The following CYP19A1 variants were observed in gnomAD, a reference collection of about 807,000 sequenced individuals.
CYP19A1 encodes cytochrome P450 family 19 subfamily A member 1.
A neutral mutation model predicts 44.4 loss-of-function variants in CYP19A1; 32 were observed. The observed-to-expected ratio is 0.72, with a 90% CI of 0.54 to 0.97. The LOEUF is 0.97. CYP19A1 is among the 50% of genes least tolerant of loss of function. The pLI, the probability that CYP19A1 is intolerant of heterozygous loss-of-function variation, is 0.00. For synonymous variants in CYP19A1, 212 were observed against 215.6 expected (o/e 0.98, Z 0.14); for missense variants, 598 against 637.8 (o/e 0.94, Z 0.67).
intron 1 of CYP19A1, among the ~76,000 whole-genome samples, chr15:51,297,271 G>A (rs560031353): frequency 9.9e-5 from 15 of 152,230 alleles, no homozygotes; most frequent in South Asian, 4.2e-4. Context: ...CAAACAGCCC[G>A]GCCAGCCCTC....
At chr15:51,336,073 G>T (rs2036770512) in intron 1 of CYP19A1, among the ~76,000 whole-genome samples, 1 of 152,070 alleles carries the variant, frequency 6.6e-6, no homozygotes, top group Non-Finnish European at 1.5e-5. Flanking sequence ...CTTTTCTCAG[G>T]GAAGCCTTCC....
In CYP19A1 at chr15:51,210,863, T is replaced by C. The variant is rs2030886688; in HGVS notation, c.1457A>G (p.Asn486Ser). ...TGGGGTAAAGATCATTTCCAGCATG[T>C]TTTTAGTCTCATCTGGGTGCAAGGA... ...DLSLHPDETK[N>S]MLEMIFTPRN... The change falls in exon 10 of 10, where the codon AAC becomes AGC. Residue 486 changes from asparagine to serine, a missense_variant. Asn to Ser is a conservative substitution (Grantham distance 46). Coordinates refer to ENST00000396402, the MANE Select transcript of CYP19A1 (RefSeq NM_000103.4). The C allele has an allele frequency of 6.3e-7, 1 of 1,593,094 alleles. No individual in the cohort carries two copies. The highest frequency in any genetic ancestry group is 8.6e-7 in the Non-Finnish European group (1 of 1,160,810).
chr15:51,271,080 A>C (rs2035109691), intron 1 of CYP19A1, among the ~76,000 whole-genome samples: 1 of 151,822 alleles, frequency 6.6e-6, no homozygotes, highest in South Asian at 2.1e-4. Context: ...TTTGCAGAGA[A>C]CGTCTCCTTG....
chr15:51,212,323 C>G lies in CYP19A1; in HGVS notation c.1260G>C (p.Lys420Asn). 1.3e-6 allele frequency: 2 copies of G among 1,598,184 alleles called. No homozygotes were observed. Among genetic ancestry groups the G allele is most frequent in the Non-Finnish European group, 1.7e-6 (2 of 1,165,470 alleles). ...AGTTTTAAGGAAGGGCTCTTACATT[C>G]TTTGCAAAATTTTCAAGAGTAAATT... is the stretch of plus-strand genomic sequence containing the variant. ...PNEFTLENFA[K>N]NVPYRYFQPF... The change falls in exon 9 of 10, where the codon AAG (lysine) becomes AAC (asparagine). Residue 420 changes from lysine to asparagine, a missense_variant. By Grantham distance (94) the Lys-to-Asn change is moderately conservative. Coordinates refer to ENST00000396402, the MANE Select transcript of CYP19A1 (RefSeq NM_000103.4).
At chr15:51,295,001 A>G (rs1366991382) in intron 1 of CYP19A1, among the ~76,000 whole-genome samples, 3 of 146,254 alleles carry the variant, frequency 2.1e-5, no homozygotes, top group African/African-American at 7.7e-5. Context: ...GCCTTGGGGA[A>G]AAAAAAAAAA....
chr15:51,325,728 C>T (rs1378525491), intron 1 of CYP19A1, among the ~76,000 whole-genome samples: 1 of 148,300 alleles, frequency 6.7e-6, no homozygotes, highest in Non-Finnish European at 1.5e-5. Flanking sequence ...ATCCCAGCTA[C>T]TTGGGAGACT....
At chr15:51,262,400 G>T (rs550466497) in intron 1 of CYP19A1, among the ~76,000 whole-genome samples, 1 of 151,956 alleles carries the variant, frequency 6.6e-6, no homozygotes, top group African/African-American at 2.4e-5. Flanking sequence ...TTCCTCTAGC[G>T]CACTGGGTTA....
In CYP19A1 at chr15:51,322,101, T is replaced by TG. The variant is rs2036538158; in HGVS notation, c.-39+16393dup. On this transcript the variant is annotated intron_variant, in intron 1 of 9. Coordinates refer to ENST00000396402, the MANE Select transcript of CYP19A1 (RefSeq NM_000103.4). ...GGTGTGGCCTTCCCGCCACGGGCCA[T>TG]GGGTCGGACCTGGCTCCACAGACAA... 3.9e-5 allele frequency: 6 copies of TG among 152,392 alleles called. No individual in the cohort carries two copies. In the South Asian group the frequency reaches 1.2e-3, roughly 32 times the overall value. The allele number at this position is 152,392 out of a possible 1,614,324, so 9.4% of individuals were successfully genotyped here. A position where few individuals can be genotyped will look rare whatever the true frequency, so the allele number is the denominator to read the frequency against.
intron 1 of CYP19A1, among the ~76,000 whole-genome samples, chr15:51,290,045 T>C (rs71472903): frequency 0.027 from 4,165 of 152,280 alleles, 75 homozygotes; most frequent in Non-Finnish European, 0.043. Flanking sequence ...ATCTTTTGAG[T>C]GTGGTCTCCC....
chr15:51,252,951 G>C (rs1215990949), intron 1 of CYP19A1, among the ~76,000 whole-genome samples: 1 of 152,116 alleles, frequency 6.6e-6, no homozygotes, highest in Non-Finnish European at 1.5e-5. Context: ...TTTATGAGTA[G>C]GTCTTGAAAG....
intron 6 of CYP19A1, 161 bp downstream of exon 6, chr15:51,218,380 A>AGG (rs1253615934): frequency 2.3e-5 from 26 of 1,139,082 alleles, no homozygotes; most frequent in Non-Finnish European, 3.1e-5. Flanking sequence ...ATGCAGCCAA[A>AGG]TTGCTGTAAA....
At chr15:51,273,732 G>T (rs917245179) in intron 1 of CYP19A1, among the ~76,000 whole-genome samples, 1 of 152,146 alleles carries the variant, frequency 6.6e-6, no homozygotes, top group Non-Finnish European at 1.5e-5. Flanking sequence ...ACAGCCGGCT[G>T]CAATGGCTCA....
intron 1 of CYP19A1, among the ~76,000 whole-genome samples, chr15:51,307,185 T>C (rs560430552): frequency 7.8e-4 from 118 of 152,202 alleles, no homozygotes; most frequent in Admixed American, 1.6e-3. Context: ...TTGGTTTTGT[T>C]TGGATTGGTG....
At chr15:51,330,019 A>G (rs1423317673) in intron 1 of CYP19A1, among the ~76,000 whole-genome samples, 2 of 152,174 alleles carry the variant, frequency 1.3e-5, no homozygotes, top group Non-Finnish European at 2.9e-5. Context: ...TAAAGAATAA[A>G]GTCAGCCAGT....
intron 1 of CYP19A1, among the ~76,000 whole-genome samples, chr15:51,249,544 A>T (rs537592748): frequency 5.3e-5 from 8 of 152,320 alleles, no homozygotes; most frequent in African/African-American, 1.9e-4. Context: ...ATAAACATTT[A>T]TTAGGAAGCT....
intron 2 of CYP19A1, among the ~76,000 whole-genome samples, chr15:51,237,582 G>A (rs2414096): frequency 0.4 from 60,459 of 152,078 alleles, 13,304 homozygotes; most frequent in Non-Finnish European, 0.51. Flanking sequence ...AAAAGACTCC[G>A]TTTAAGAAAA....
rs116126232 is a variant in CYP19A1, at chr15:51,226,332, T to G, written c.451+1447A>C. Among the ~76,000 whole-genome samples the G allele has an allele frequency of 5.7e-3, 873 of 152,306 alleles. 11 individuals are homozygous for G. Among genetic ancestry groups the G allele is most frequent in the African/African-American group, 0.02 (840 of 41,570 alleles). The stretch of plus-strand genomic sequence containing the variant: ...GAGCCCCCAGAAAGGCACATAGCCT[T>G]GCCTATGCCTTGGTTTTCAGCTCAT... On this transcript the variant is annotated intron_variant, in intron 4 of 9. Transcript: ENST00000396402.
At chr15:51,220,924 A>G (rs1306137371) in intron 5 of CYP19A1, among the ~76,000 whole-genome samples, 3 of 149,460 alleles carry the variant, frequency 2.0e-5, no homozygotes, top group East Asian at 3.9e-4. Context: ...CCACCAAACT[A>G]CTCAAATGAT....
In CYP19A1 at chr15:51,240,452, A is replaced by G. The variant is rs1425486101; in HGVS notation, c.145+2316T>C. Among the ~76,000 whole-genome samples the G allele has an allele frequency of 3.9e-5, 6 of 152,302 alleles. 1 individual carries two copies. The highest frequency in any genetic ancestry group is 2.4e-5 in the African/African-American group (1 of 41,574). On this transcript the variant is annotated intron_variant, in intron 2 of 9. Coordinates refer to ENST00000396402, the MANE Select transcript of CYP19A1 (RefSeq NM_000103.4). ...ACTCACTTAAGGGCTTTAAATCATT[A>G]TAAGTCCCTCCAGCTTTCACTGTTC...
Sources: gnomAD v4.1 joint callset for allele counts (sites outside exome capture counted in the v4.1 genomes callset) on GRCh38, gnomAD v4.1.1 for gene constraint, MANE v1.5 for transcripts, NCBI Gene and HGNC (gene_info 2026-07-23, HGNC 2026-07-21) for gene names.